The following ULK4 variants were observed in gnomAD, a reference collection of about 807,000 sequenced individuals.
The protein encoded by ULK4 is inactive serine/threonine-protein kinase ULK4.
Under a neutral mutation model 160.6 loss-of-function variants are expected in ULK4, and 133 were observed. That is an observed-to-expected ratio of 0.83 (90% CI 0.72 to 0.96). ULK4 has a LOEUF of 0.96. Ranked by LOEUF, ULK4 falls within the 40% of genes least tolerant of loss-of-function variation. The probability of loss-of-function intolerance (pLI) is 0.00; values close to 1 mark genes in which losing one functional copy is unlikely to be tolerated. For missense variants in ULK4, 1,580 were observed against 1,499.5 expected (o/e 1.05, Z -0.89); for synonymous variants, 534 against 539.8 (o/e 0.99, Z 0.15).
chr3:41,370,448 A>T (rs142685928), intron 35 of ULK4, among the ~76,000 whole-genome samples: 70 of 152,200 alleles, frequency 4.6e-4, no homozygotes, highest in African/African-American at 1.6e-3. Context: ...CAACTGAGGT[A>T]CTCAGCTCAT....
intron 34 of ULK4, among the ~76,000 whole-genome samples, chr3:41,436,008 C>T (rs148834477): frequency 3.9e-5 from 6 of 152,122 alleles, no homozygotes; most frequent in Admixed American, 2.0e-4. Flanking sequence ...CCCCAACTTA[C>T]GATGATTTTA....
In ULK4 at chr3:41,582,416, C is replaced by CG. The variant is rs572133357; in HGVS notation, c.3121-16287dup. 2.6e-4 allele frequency among the ~76,000 whole-genome samples: 40 copies of CG among 152,114 alleles called. No individual in the cohort carries two copies. In the East Asian group the frequency reaches 6.6e-3, roughly 25 times the overall value. On this transcript the variant is annotated intron_variant, in intron 31 of 36. Transcript: ENST00000301831. ...CTAGGATATTAATTTCTTTTGAATT[C>CG]GGGGGATTAAAAACAAACTAGAAAT... is the stretch of plus-strand genomic sequence containing the variant.
intron 35 of ULK4, among the ~76,000 whole-genome samples, chr3:41,316,873 G>A (rs1249905973): frequency 6.6e-6 from 1 of 152,094 alleles, no homozygotes; most frequent in African/African-American, 2.4e-5. Flanking sequence ...CATATAATGG[G>A]CACTCAAATC....
intron 32 of ULK4, among the ~76,000 whole-genome samples, chr3:41,560,159 G>T (rs905783714): frequency 2.6e-5 from 4 of 152,164 alleles, no homozygotes; most frequent in Admixed American, 6.5e-5. Context: ...GTTTGTCAAA[G>T]ATCAGATGGT....
chr3:41,800,922 C>T (rs1391218106), intron 19 of ULK4, among the ~76,000 whole-genome samples: 1 of 152,142 alleles, frequency 6.6e-6, no homozygotes, highest in African/African-American at 2.4e-5. Flanking sequence ...GAAGTACTTA[C>T]AGAAATTTTA....
intron 17 of ULK4, among the ~76,000 whole-genome samples, chr3:41,842,231 C>T (rs112403993): frequency 0.053 from 7,787 of 146,866 alleles, 734 homozygotes; most frequent in African/African-American, 0.19. Context: ...GCTTGAGTCC[C>T]GAAGTTCAAG....
At chr3:41,857,781 T>C (rs2042395709) in intron 17 of ULK4, among the ~76,000 whole-genome samples, 1 of 152,184 alleles carries the variant, frequency 6.6e-6, no homozygotes, top group Non-Finnish European at 1.5e-5. Flanking sequence ...CTAATGACCC[T>C]TTAAATTTCT....
Position 41,706,889 on chromosome 3 carries a change from GTATA to G in ULK4, c.2635-1588_2635-1585del, listed in dbSNP as rs1237594470. 1.2e-4 allele frequency among the ~76,000 whole-genome samples: 14 copies of G among 115,686 alleles called. No individual in the cohort carries two copies. The South Asian group carries it at 1.4e-3, about 11-fold the overall frequency. The allele number at this position is 115,686 out of a possible 152,430, so 75.9% of individuals were successfully genotyped here. ...TGTGTGTGTGTGTGTGTGTGTGTGT[GTATA>G]TATATATAGAGAGAGAGAGAGAATA... On this transcript the variant is annotated intron_variant, in intron 25 of 36. Coordinates refer to ENST00000301831, the MANE Select transcript of ULK4 (RefSeq NM_017886.4).
In ULK4 at chr3:41,713,621, C is replaced by A. The variant is rs117094203; in HGVS notation, c.2634+1616G>T. Among the ~76,000 whole-genome samples the A allele has an allele frequency of 9.7e-4, 147 of 152,270 alleles. 1 individual carries two copies. The East Asian group carries it at 0.027, about 28-fold the overall frequency. ...TTGGGTGATACCATCAAGAAAAAAACTGCTAAAATTTTTTCAGTATCTTAA... is the reference window on the plus strand; with the variant it reads ...TTGGGTGATACCATCAAGAAAAAAAATGCTAAAATTTTTTCAGTATCTTAA... On this transcript the variant is annotated intron_variant, in intron 25 of 36. Transcript: ENST00000301831.
intron 17 of ULK4, among the ~76,000 whole-genome samples, chr3:41,837,989 T>C (rs778854688): frequency 8.5e-5 from 13 of 152,234 alleles, no homozygotes; most frequent in Non-Finnish European, 1.5e-4. Flanking sequence ...AAAGGAACCA[T>C]GTAGCTTCAC....
At chr3:41,495,627 C>T (rs2084958860) in intron 32 of ULK4, among the ~76,000 whole-genome samples, 1 of 150,622 alleles carries the variant, frequency 6.6e-6, no homozygotes, top group Admixed American at 6.7e-5. Context: ...AAACTACCAT[C>T]AGAGTGAACA....
chr3:41,328,879 T>C (rs1434984184), intron 35 of ULK4, among the ~76,000 whole-genome samples: 1 of 152,216 alleles, frequency 6.6e-6, no homozygotes, highest in Non-Finnish European at 1.5e-5. Flanking sequence ...TGATATTCTC[T>C]GGTTCCTTAT....
chr3:41,417,356 C>T (rs1180756565), intron 34 of ULK4, among the ~76,000 whole-genome samples: 1 of 152,098 alleles, frequency 6.6e-6, no homozygotes, highest in African/African-American at 2.4e-5. Flanking sequence ...TGTCTAGAAG[C>T]TCAGGCAAGA....
chr3:41,601,280 A>G (rs1295757715), intron 31 of ULK4, among the ~76,000 whole-genome samples: 2 of 152,182 alleles, frequency 1.3e-5, no homozygotes, highest in East Asian at 3.8e-4. Flanking sequence ...AAAAAACACA[A>G]ATTTCCAAAA....
chr3:41,599,452 T>C (rs1358627070), intron 31 of ULK4, among the ~76,000 whole-genome samples: 1 of 152,156 alleles, frequency 6.6e-6, no homozygotes, highest in African/African-American at 2.4e-5. Flanking sequence ...CATGGACATC[T>C]TGGAAGGTGG....
intron 31 of ULK4, among the ~76,000 whole-genome samples, 184 bp from the exon 32 acceptor site, chr3:41,566,314 TGGGA>T (rs1407015447): frequency 6.6e-6 from 1 of 152,202 alleles, no homozygotes; most frequent in Non-Finnish European, 1.5e-5. Flanking sequence ...TTAAGTGAGC[TGGGA>T]GGGAGGGTAA....
chr3:41,928,362 G>C (rs910653418), intron 5 of ULK4, among the ~76,000 whole-genome samples: 4 of 152,056 alleles, frequency 2.6e-5, no homozygotes, highest in African/African-American at 9.7e-5. Flanking sequence ...TGTGTAGAGG[G>C]AAATTTACAG....
intron 22 of ULK4, among the ~76,000 whole-genome samples, chr3:41,727,678 T>C (rs2037697571): frequency 6.6e-6 from 1 of 152,078 alleles, no homozygotes; most frequent in African/African-American, 2.4e-5. Context: ...TTGTATGCCA[T>C]GGTAAGAAGC....
At chr3:41,350,196 C>A (rs1357965843) in intron 35 of ULK4, among the ~76,000 whole-genome samples, 2 of 152,156 alleles carry the variant, frequency 1.3e-5, no homozygotes, top group African/African-American at 4.8e-5. Context: ...CCTTACTTAA[C>A]TGTCTCTGTC....
Sources: allele counts gnomAD v4.1 joint callset (sites outside exome capture counted in the v4.1 genomes callset), GRCh38; gene constraint gnomAD v4.1.1; transcripts MANE v1.5; gene names NCBI Gene and HGNC (gene_info 2026-07-23, HGNC 2026-07-21).